SLC2A14: variants seen among roughly 807,000 people sequenced by gnomAD.
The protein encoded by SLC2A14 is solute carrier family 2 member 14.
SLC2A14 carries 13 observed loss-of-function variants against 43.0 expected under a neutral mutation model. The observed-to-expected ratio is 0.30, with a 90% CI of 0.20 to 0.48. The LOEUF (loss-of-function observed/expected upper bound fraction) is 0.48. Ranked by LOEUF, SLC2A14 falls within the 20% of genes least tolerant of loss-of-function variation. SLC2A14 has a pLI of 0.99. For synonymous variants in SLC2A14, 190 were observed against 233.8 expected, an observed-to-expected ratio of 0.81 and a Z score of 1.71; for missense variants, 428 against 620.4, an observed-to-expected ratio of 0.69 and a Z score of 3.29.
chr12:7,869,713 G>A (rs1945123580), intron 2 of SLC2A14, 150 bp downstream of exon 2: 2 of 520,856 alleles, frequency 3.8e-6, no homozygotes, highest in Non-Finnish European at 6.6e-6. Flanking sequence ...AATGTACCAA[G>A]TCTGTTGGCT....
At chr12:7,871,233 G>T in intron 1 of SLC2A14, 1 of 1,232,584 alleles carries the variant, frequency 8.1e-7, no homozygotes, top group Non-Finnish European at 1.0e-6. Flanking sequence ...TCCAGGAGCT[G>T]CTCACCACCA....
rs753067256 is a variant in SLC2A14 at position 7,821,293 on chromosome 12, A to G, written c.897T>C (p.Asp299=). 6.2e-7 allele frequency: 1 copy of G among 1,613,888 alleles called. No homozygotes were observed. The highest frequency in any genetic ancestry group is 8.5e-7 in the Non-Finnish European group (1 of 1,179,852). Residue 299 remains aspartate, a synonymous_variant, in exon 8 of 11, where the codon GAT becomes GAC. Coordinates refer to ENST00000431042, the MANE Select transcript of SLC2A14 (RefSeq NM_001286234.2). ...CATAGATGGGCTGTTGAACACCTGC[A>G]TCCTTGAAGATTCCTGTTGAGTAAT... ...VFYYSTGIFK[D]AGVQQPIYAT...
At chr12:7,821,055 C>T (rs1290393820) in intron 8 of SLC2A14, among the ~76,000 whole-genome samples, 166 bp downstream of exon 8, 1 of 152,034 alleles carries the variant, frequency 6.6e-6, no homozygotes, top group Non-Finnish European at 1.5e-5. Context: ...CCACTGCACT[C>T]CAGCCTGGGC....
chr12:7,817,110 T>C (rs951934530), intron 10 of SLC2A14, among the ~76,000 whole-genome samples: 4 of 151,880 alleles, frequency 2.6e-5, no homozygotes, highest in Admixed American at 2.6e-4. Flanking sequence ...ACTGTATTAC[T>C]ATTATTATTA....
chr12:7,873,365 C>T (rs1178619363), upstream of SLC2A14: 2 of 985,260 alleles, frequency 2.0e-6, no homozygotes, highest in Non-Finnish European at 2.4e-6. Flanking sequence ...TTTCGGGCCG[C>T]GCACGGTGGC....
At chr12:7,863,257 A>G (rs1944697904) in intron 2 of SLC2A14, 2 of 374,326 alleles carry the variant, frequency 5.3e-6, no homozygotes, top group South Asian at 3.8e-5. Context: ...CTGCAGCTTC[A>G]CTCCTGAGCC....
chr12:7,817,780 A>ATAGATAGATAGATAGATAGT, intron 10 of SLC2A14, 51 bp downstream of exon 10: 1 of 1,590,712 alleles, frequency 6.3e-7, no homozygotes, highest in Non-Finnish European at 8.6e-7. Flanking sequence ...AGATAGATAG[A>ATAGATAGATAGATAGATAGT]CAGATACATA....
At chr12:7,815,263 A>T (rs1863333165) in intron 10 of SLC2A14, among the ~76,000 whole-genome samples, 1 of 151,820 alleles carries the variant, frequency 6.6e-6, no homozygotes, top group South Asian at 2.1e-4. Context: ...ATACAAAAAA[A>T]AAAATTGCTG....
At chr12:7,883,813 G>A (rs1945637730) in intron 1 of SLC2A14, among the ~76,000 whole-genome samples, 3 of 150,734 alleles carry the variant, frequency 2.0e-5, no homozygotes, top group Non-Finnish European at 4.4e-5. Context: ...TCGATCTCTT[G>A]ACCTCATGCT....
chr12:7,825,974 T>G (rs922193850), intron 7 of SLC2A14, among the ~76,000 whole-genome samples: 1 of 151,728 alleles, frequency 6.6e-6, no homozygotes, highest in Non-Finnish European at 1.5e-5. Context: ...TCTTTCTTTT[T>G]TTTTTTAAAC....
intron 2 of SLC2A14, among the ~76,000 whole-genome samples, chr12:7,855,935 T>TA (rs1867332523): frequency 6.6e-6 from 1 of 151,854 alleles, no homozygotes; most frequent in Non-Finnish European, 1.5e-5. Flanking sequence ...GCGCCTGGCT[T>TA]ACAAAAGCTC....
At chr12:7,846,640 T>TC (rs1866489457) in intron 2 of SLC2A14, among the ~76,000 whole-genome samples, 2 of 151,502 alleles carry the variant, frequency 1.3e-5, no homozygotes, top group African/African-American at 4.8e-5. Context: ...TCATAATTTT[T>TC]TTTTTTTTTG....
At chr12:7,859,598 T>C (rs930508317) in intron 2 of SLC2A14, among the ~76,000 whole-genome samples, 1 of 152,068 alleles carries the variant, frequency 6.6e-6, no homozygotes, top group Non-Finnish European at 1.5e-5. Context: ...GTTGTCTCCA[T>C]ACATCATGGA....
intron 1 of SLC2A14, among the ~76,000 whole-genome samples, chr12:7,883,777 G>T (rs1404058118): frequency 6.8e-6 from 1 of 147,932 alleles, no homozygotes; most frequent in African/African-American, 2.5e-5. Context: ...TAGAGACAAG[G>T]TTTCACCATG....
At chr12:7,848,705 G>A (rs745462218) in intron 2 of SLC2A14, among the ~76,000 whole-genome samples, 6 of 151,816 alleles carry the variant, frequency 4.0e-5, no homozygotes, top group South Asian at 4.2e-4. Flanking sequence ...ACAGGTGCCC[G>A]CCACCATGCC....
chr12:7,814,633 T>C, intron 10 of SLC2A14, 99 bp from the exon 11 acceptor site: 1 of 1,246,376 alleles, frequency 8.0e-7, no homozygotes, highest in African/African-American at 1.5e-5. Flanking sequence ...CTTCAAGCTA[T>C]AACCCTTCCA....
At chr12:7,859,084 C>G (rs1239843666) in intron 2 of SLC2A14, among the ~76,000 whole-genome samples, 2 of 152,016 alleles carry the variant, frequency 1.3e-5, no homozygotes, top group Non-Finnish European at 2.9e-5. Flanking sequence ...ATCTTGGCAC[C>G]CTTGTCAAAA....
intron 2 of SLC2A14, among the ~76,000 whole-genome samples, chr12:7,852,315 A>G (rs892766451): frequency 6.6e-6 from 1 of 152,172 alleles, no homozygotes; most frequent in South Asian, 2.1e-4. Flanking sequence ...TATTAAAAAA[A>G]TTATGTAGAT....
intron 7 of SLC2A14, among the ~76,000 whole-genome samples, chr12:7,826,099 G>A (rs1024002786): frequency 1.3e-5 from 2 of 151,864 alleles, no homozygotes; most frequent in African/African-American, 4.8e-5. Flanking sequence ...GGAAAGTCTC[G>A]GGAGCACATT....
Sources: allele counts gnomAD v4.1 joint callset (sites outside exome capture counted in the v4.1 genomes callset), GRCh38; gene constraint gnomAD v4.1.1; transcripts MANE v1.5; gene names NCBI Gene and HGNC (gene_info 2026-07-23, HGNC 2026-07-21).